KIAA1217: variants seen among roughly 807,000 people sequenced by gnomAD.
The protein encoded by KIAA1217 is sickle tail protein homolog.
KIAA1217 carries 88 observed loss-of-function variants against 163.9 expected under a neutral mutation model. The observed-to-expected ratio is 0.54, with a 90% confidence interval of 0.45 to 0.64. The LOEUF is 0.64. Among genes scored for constraint, KIAA1217 ranks in the 30% least tolerant of loss-of-function variants. The probability of loss-of-function intolerance (pLI) is 0.00; values close to 1 mark genes in which losing one functional copy is unlikely to be tolerated. For missense variants in KIAA1217, 2,372 were observed against 2,475.0 expected, an observed-to-expected ratio of 0.96 and a Z score of 0.88; for synonymous variants, 903 against 923.1, an observed-to-expected ratio of 0.98 and a Z score of 0.39.
chr10:24,220,446 CTTT>C (rs530992369), intron 2 of KIAA1217, among the ~76,000 whole-genome samples: 5 of 103,108 alleles, frequency 4.8e-5, no homozygotes, highest in African/African-American at 1.0e-4. Flanking sequence ...TTCTGCTCTT[CTTT>C]TTTTTTTTTT....
intron 1 of KIAA1217, among the ~76,000 whole-genome samples, chr10:23,866,696 C>G (rs1030232525): frequency 6.6e-6 from 1 of 151,988 alleles, no homozygotes; most frequent in Non-Finnish European, 1.5e-5. Flanking sequence ...ACCTGCTACT[C>G]TCCCAGCTTG....
intron 2 of KIAA1217, among the ~76,000 whole-genome samples, chr10:24,038,202 G>C (rs1034652070): frequency 7.9e-5 from 12 of 152,254 alleles, no homozygotes; most frequent in African/African-American, 2.6e-4. Context: ...CTTTATGATG[G>C]CCTGAGGGTT....
intron 1 of KIAA1217, among the ~76,000 whole-genome samples, chr10:23,995,852 CA>C (rs1846457978): frequency 6.6e-6 from 1 of 152,116 alleles, no homozygotes; most frequent in Non-Finnish European, 1.5e-5. Flanking sequence ...TGAACATGCT[CA>C]GCACAGGACA....
intron 2 of KIAA1217, among the ~76,000 whole-genome samples, chr10:24,308,142 G>T (rs12571105): frequency 0.071 from 10,846 of 152,228 alleles, 725 homozygotes; most frequent in East Asian, 0.3. Flanking sequence ...CTATTGCTAA[G>T]CTGTGGAAGG....
chr10:23,810,132 T>A (rs575729187), intron 1 of KIAA1217, among the ~76,000 whole-genome samples: 72 of 151,894 alleles, frequency 4.7e-4, no homozygotes, highest in Admixed American at 2.0e-3. Context: ...TAAAATGCAT[T>A]GTTGACTTAA....
At chr10:24,219,471 T>G (rs1395787378) in intron 1 of KIAA1217, among the ~76,000 whole-genome samples, 155 bp from the exon 2 acceptor site, 2 of 152,228 alleles carry the variant, frequency 1.3e-5, no homozygotes, top group African/African-American at 4.8e-5. Flanking sequence ...TTTTCTCCCC[T>G]GACTGCTGCA....
chr10:24,281,242 A>T (rs2077887701), intron 2 of KIAA1217, among the ~76,000 whole-genome samples: 1 of 152,212 alleles, frequency 6.6e-6, no homozygotes, highest in Non-Finnish European at 1.5e-5. Context: ...TAACACAGTT[A>T]TTATCTAAAG....
rs117837009 is a variant in KIAA1217, at chr10:24,190,468, G to C, written c.-170-29158G>C. ...GAGGCGCTGAACCCAAGCCTCCCTT[G>C]ACTCAGAGCTCACCGTATGGTAGAA... is the stretch of plus-strand genomic sequence containing the variant. On this transcript the variant is annotated intron_variant, in intron 2 of 18. Coordinates refer to the KIAA1217 transcript ENST00000376462. Among the ~76,000 whole-genome samples the C allele has an allele frequency of 1.2e-3, 189 of 152,296 alleles. 3 individuals are homozygous for C. The East Asian group carries it at 0.027, about 22-fold the overall frequency.
chr10:23,716,077 C>A (rs574789226), intron 1 of KIAA1217, among the ~76,000 whole-genome samples: 2 of 152,084 alleles, frequency 1.3e-5, no homozygotes, highest in Non-Finnish European at 2.9e-5. Flanking sequence ...TAAGCTTTTA[C>A]GGAAGCGTTC....
At chr10:23,800,935 G>T (rs1836438614) in intron 1 of KIAA1217, among the ~76,000 whole-genome samples, 1 of 152,110 alleles carries the variant, frequency 6.6e-6, no homozygotes, top group African/African-American at 2.4e-5. Context: ...CAAGGATCTA[G>T]AACCGGAAAT....
At chr10:23,813,759 C>A (rs1837184179) in intron 1 of KIAA1217, among the ~76,000 whole-genome samples, 1 of 152,152 alleles carries the variant, frequency 6.6e-6, no homozygotes, top group African/African-American at 2.4e-5. Context: ...AGTAGAGTAA[C>A]TGGGTCCAAG....
chr10:24,253,086 A>C (rs1339750654), intron 2 of KIAA1217, among the ~76,000 whole-genome samples: 4 of 151,916 alleles, frequency 2.6e-5, no homozygotes, highest in Non-Finnish European at 4.4e-5. Flanking sequence ...TTTTGGGAAG[A>C]GGTGCACACA....
chr10:23,782,536 A>G (rs1835305126), intron 1 of KIAA1217, among the ~76,000 whole-genome samples: 2 of 152,204 alleles, frequency 1.3e-5, no homozygotes, highest in African/African-American at 4.8e-5. Context: ...AGTCTCTAGT[A>G]ATTCTCCTGC....
chr10:24,251,990 G>A (rs1194909533), intron 2 of KIAA1217, among the ~76,000 whole-genome samples: 1 of 151,968 alleles, frequency 6.6e-6, no homozygotes, highest in Admixed American at 6.6e-5. Flanking sequence ...TCAGGACATC[G>A]TAGCAGGAAT....
chr10:23,939,432 A>C (rs12269129), intron 1 of KIAA1217, among the ~76,000 whole-genome samples: 22,813 of 152,134 alleles, frequency 0.15, 3,659 homozygotes, highest in African/African-American at 0.41. Flanking sequence ...AACACTATTC[A>C]AAAGGAAACT....
rs560858040 is a variant in KIAA1217 at position 23,925,157 on chromosome 10, G to C, written c.-320-82068G>C. ...AAGCAAGACAGAAGGAAGATAGATA[G>C]GGAAAGAAGGAGAAGGAGGAGGAAA... On this transcript the variant is annotated intron_variant, in intron 1 of 18. Transcript: ENST00000376462. Among the ~76,000 whole-genome samples the C allele has an allele frequency of 1.3e-4, 20 of 152,164 alleles. No homozygotes were observed. The South Asian group carries it at 3.9e-3, about 30-fold the overall frequency.
chr10:23,751,752 A>G (rs570168999), intron 1 of KIAA1217, among the ~76,000 whole-genome samples: 19 of 152,116 alleles, frequency 1.2e-4, no homozygotes, highest in Non-Finnish European at 2.6e-4. Context: ...GGTTTTCTTT[A>G]CTGTATTTTA....
At chr10:23,726,014 C>T (rs1176265637) in intron 1 of KIAA1217, among the ~76,000 whole-genome samples, 2 of 143,426 alleles carry the variant, frequency 1.4e-5, no homozygotes, top group Non-Finnish European at 3.1e-5. Context: ...CCCCTTTCCT[C>T]ACTCAAAAAG....
At chr10:24,494,417 A>T in intron 6 of KIAA1217, 83 bp from the exon 7 acceptor site, 1 of 1,148,186 alleles carries the variant, frequency 8.7e-7, no homozygotes, top group Admixed American at 2.0e-5. Flanking sequence ...GGTACCTTTT[A>T]TAACCCTCAG....
Sources: gnomAD v4.1 joint callset for allele counts (sites outside exome capture counted in the v4.1 genomes callset) on GRCh38, gnomAD v4.1.1 for gene constraint, MANE v1.5 for transcripts, NCBI Gene and HGNC (gene_info 2026-07-23, HGNC 2026-07-21) for gene names.